Variants in FERMT2 observed in about 807,000 individuals in gnomAD.
FERMT2 encodes the protein FERM domain containing kindlin 2, also known as fermitin family homolog 2.
In FERMT2, 15 loss-of-function variants were observed where a neutral mutation model predicts 82.7. That is an observed-to-expected ratio of 0.18 (90% CI 0.12 to 0.28). FERMT2 has a LOEUF of 0.28. Ranked by LOEUF, FERMT2 falls within the 10% of genes least tolerant of loss-of-function variation. The probability of loss-of-function intolerance (pLI) is 1.00; values close to 1 mark genes in which losing one functional copy is unlikely to be tolerated. For synonymous variants in FERMT2, 274 were observed against 271.5 expected (o/e 1.01, Z -0.09); for missense variants, 645 against 809.4 (o/e 0.80, Z 2.46).
At chr14:52,942,306 CTT>C (rs200747260) in intron 2 of FERMT2, among the ~76,000 whole-genome samples, 5 of 138,764 alleles carry the variant, frequency 3.6e-5, no homozygotes, top group Admixed American at 7.3e-5. Context: ...TTTTCTTTTT[CTT>C]TTTTTTTTTT....
intron 2 of FERMT2, among the ~76,000 whole-genome samples, chr14:52,942,604 A>C (rs772406478): frequency 2.0e-5 from 3 of 152,134 alleles, no homozygotes; most frequent in East Asian, 1.9e-4. Context: ...GCCCGCCCCA[A>C]GAAAATTTTT....
chr14:52,889,430 G>A (rs145551979), intron 4 of FERMT2, among the ~76,000 whole-genome samples: 1 of 152,288 alleles, frequency 6.6e-6, no homozygotes, highest in East Asian at 1.9e-4. Flanking sequence ...AAAGGGAACT[G>A]GGTGAAAAAG....
chr14:52,877,418 C>T (rs1886028089), intron 7 of FERMT2, among the ~76,000 whole-genome samples: 1 of 152,046 alleles, frequency 6.6e-6, no homozygotes, highest in South Asian at 2.1e-4. Flanking sequence ...TCAGAATTAT[C>T]TGGAAACACA....
At chr14:52,917,938 G>A (rs1324062986) in intron 3 of FERMT2, among the ~76,000 whole-genome samples, 1 of 152,218 alleles carries the variant, frequency 6.6e-6, no homozygotes, top group African/African-American at 2.4e-5. Flanking sequence ...AGCAGCATTT[G>A]CCCACAGGCT....
chr14:52,943,022 C>T (rs1244871162), intron 2 of FERMT2, among the ~76,000 whole-genome samples: 1 of 151,824 alleles, frequency 6.6e-6, no homozygotes, highest in Non-Finnish European at 1.5e-5. Context: ...AGACCAGCCT[C>T]GCCAACATGG....
intron 2 of FERMT2, chr14:52,928,207 T>A: frequency 4.3e-6 from 1 of 233,464 alleles, no homozygotes. Context: ...AGAAGCAAAG[T>A]TTACATTAGA....
intron 8 of FERMT2, among the ~76,000 whole-genome samples, chr14:52,874,729 A>G (rs1885845545): frequency 6.6e-6 from 1 of 152,224 alleles, no homozygotes; most frequent in Non-Finnish European, 1.5e-5. Context: ...TTGTAAAAGA[A>G]TTTGCAGAGT....
intron 3 of FERMT2, among the ~76,000 whole-genome samples, chr14:52,917,191 C>T (rs1050046159): frequency 3.3e-5 from 5 of 152,018 alleles, no homozygotes; most frequent in African/African-American, 9.7e-5. Context: ...CTTGCACACA[C>T]GTACAAAACT....
intron 2 of FERMT2, among the ~76,000 whole-genome samples, chr14:52,928,982 T>G (rs1246957043): frequency 6.6e-6 from 1 of 152,172 alleles, no homozygotes; most frequent in Non-Finnish European, 1.5e-5. Flanking sequence ...TCCATTCTCA[T>G]AGCTTTAAAA....
intron 3 of FERMT2, among the ~76,000 whole-genome samples, chr14:52,894,917 C>T (rs1290974212): frequency 2.0e-5 from 3 of 150,902 alleles, no homozygotes; most frequent in East Asian, 3.9e-4. Flanking sequence ...AACCTACCTA[C>T]TCTTTAAAAG....
chr14:52,882,603 T>C (rs1886358112), intron 4 of FERMT2, among the ~76,000 whole-genome samples: 1 of 152,196 alleles, frequency 6.6e-6, no homozygotes, highest in Admixed American at 6.5e-5. Context: ...AAATGTGCAA[T>C]GGGCATAACA....
intron 2 of FERMT2, among the ~76,000 whole-genome samples, chr14:52,921,063 C>T (rs983706842): frequency 1.3e-5 from 2 of 152,120 alleles, no homozygotes; most frequent in Non-Finnish European, 2.9e-5. Context: ...AACTTTAAGA[C>T]ATTTAAAAGT....
At chr14:52,871,160 T>C (rs2140086802) in intron 10 of FERMT2, among the ~76,000 whole-genome samples, 1 of 152,342 alleles carries the variant, frequency 6.6e-6, no homozygotes, top group East Asian at 1.9e-4. Context: ...TTTCATTTTC[T>C]GTGTCTCTAA....
In FERMT2 at chr14:52,914,209, A is replaced by T. The variant is rs185431569; in HGVS notation, c.391+4914T>A. Among the ~76,000 whole-genome samples, 962 of 152,058 alleles carry T rather than the reference A, an allele frequency of 6.3e-3. 4 individuals are homozygous for T. Among genetic ancestry groups the T allele is most frequent in the Middle Eastern group, 0.01 (3 of 294 alleles). Reference sequence around the variant, plus strand: ...AAGACCCTGTCTCTACAAAAAAAAAAATATATAAAAATTAGCCAGGCATGG... The same window carrying T: ...AAGACCCTGTCTCTACAAAAAAAAATATATATAAAAATTAGCCAGGCATGG... On this transcript the variant is annotated intron_variant, in intron 3 of 14. Transcript: ENST00000341590.
At chr14:52,861,073 AAG>A in intron 12 of FERMT2, 3 of 1,488,450 alleles carry the variant, frequency 2.0e-6, no homozygotes, top group African/African-American at 2.9e-5. Flanking sequence ...AGGAAGCAGA[AAG>A]AAAAAAAAAG....
At chr14:52,950,321 T>C (rs1566768772) in intron 2 of FERMT2, 91 bp downstream of exon 2, 1 of 1,343,930 alleles carries the variant, frequency 7.4e-7, no homozygotes, top group Admixed American at 2.0e-5. Context: ...CCAAGATTTC[T>C]CAAATGGGCC....
intron 4 of FERMT2, 28 bp downstream of exon 4, chr14:52,893,265 T>A (rs1235156008): frequency 6.4e-7 from 1 of 1,573,390 alleles, no homozygotes; most frequent in Non-Finnish European, 8.6e-7. Context: ...GTTCTTACTT[T>A]GAGTCCATTG....
At chr14:52,914,897 G>T (rs1888533966) in intron 3 of FERMT2, among the ~76,000 whole-genome samples, 1 of 152,038 alleles carries the variant, frequency 6.6e-6, no homozygotes. Flanking sequence ...TCCAGACTGG[G>T]TGACAGAGGG....
At chr14:52,902,639 C>G (rs141679921) in intron 3 of FERMT2, among the ~76,000 whole-genome samples, 1 of 150,666 alleles carries the variant, frequency 6.6e-6, no homozygotes, top group Non-Finnish European at 1.5e-5. Flanking sequence ...GAGGCCGAGG[C>G]GGGTGGATTA....
Sources: gnomAD v4.1 joint callset for allele counts (sites outside exome capture counted in the v4.1 genomes callset) on GRCh38, gnomAD v4.1.1 for gene constraint, MANE v1.5 for transcripts, NCBI Gene and HGNC (gene_info 2026-07-23, HGNC 2026-07-21) for gene names.